Variants in HRNR observed in about 807,000 individuals in gnomAD.
HRNR encodes the protein filaggrin family member 3.
HRNR carries 7 observed loss-of-function variants against 4.8 expected under a neutral mutation model. The observed-to-expected ratio is 1.47, with a 90% CI of 0.83 to 2.75. HRNR has a LOEUF of 2.75. HRNR is among the 30% of genes most tolerant of loss of function. HRNR has a pLI of 0.00. For missense variants in HRNR, 2,879 were observed against 3,010.4 expected, an observed-to-expected ratio of 0.96 and a Z score of 1.02; for synonymous variants, 1,023 against 1,242.7, an observed-to-expected ratio of 0.82 and a Z score of 3.72.
rs141963410 is a variant in HRNR at position 152,219,168 on chromosome 1, C to G, written c.2461G>C (p.Glu821Gln). ...CTATAGCCCTGTCCTGAGCCAGACT[C>G]GTGTTGCCCAAAACCAGAAGCCTGG... The part of the protein sequence containing the change: ...SGQASGFGQH[E>Q]SGSGQGYSQH... Residue 821 changes from glutamate (E) to glutamine (Q), a missense_variant, in exon 3 of 3, where the codon GAG (glutamate) becomes CAG (glutamine). Glu to Gln is a conservative substitution (Grantham distance 29). Transcript: ENST00000368801. The G allele has an allele frequency of 1.2e-5, 20 of 1,613,156 alleles. No homozygotes were observed. The highest frequency in any genetic ancestry group is 1.4e-5 in the Non-Finnish European group (17 of 1,179,816).
At position 152,219,241 on chromosome 1, in the gene HRNR, A is replaced by T. The variant is rs763154410; in HGVS notation, c.2388T>A (p.Ser796=). Residue 796 remains serine (S), a synonymous_variant, in exon 3 of 3, where the codon TCT becomes TCA. Coordinates refer to ENST00000368801, the MANE Select transcript of HRNR (RefSeq NM_001009931.3). Reference sequence around the variant, plus strand: ...CACAGCTGGAAGAACAACTTGTGCCAGACCCGTGTTGGCCGTGGCTGGAGG... The same window carrying T: ...CACAGCTGGAAGAACAACTTGTGCCTGACCCGTGTTGGCCGTGGCTGGAGG... ...GHSSSHGQHG[S]GTSCSSSCGH... is the part of the protein sequence containing the mutation. The T allele has an allele frequency of 6.2e-7, 1 of 1,613,696 alleles. No individual in the cohort carries two copies. Among genetic ancestry groups the T allele is most frequent in the South Asian group, 1.1e-5 (1 of 91,056 alleles).
At position 152,218,360 on chromosome 1, in the gene HRNR, C is replaced by T. The variant is rs748343183; in HGVS notation, c.3269G>A (p.Gly1090Asp). 8 of 1,609,130 alleles carry T rather than the reference C, an allele frequency of 5.0e-6. No individual in the cohort carries two copies. The highest frequency in any genetic ancestry group is 6.8e-6 in the Non-Finnish European group (8 of 1,179,108). Reference sequence around the variant, plus strand: ...CTGACCTGAGCTAGCTCCATGTTGGCCACAGCTCGATGACTGTCCTGATGT... The same window carrying T: ...CTGACCTGAGCTAGCTCCATGTTGGTCACAGCTCGATGACTGTCCTGATGT... ...GSTSGQSSSC[G>D]QHGASSGQSS... Residue 1090 changes from glycine to aspartate, a missense_variant, in exon 3 of 3, where the codon GGC (glycine) becomes GAC (aspartate). Gly to Asp is a moderately conservative substitution (Grantham distance 94, BLOSUM62 -1). Transcript: ENST00000368801.
Position 152,221,106 on chromosome 1 carries a change from G to C in HRNR, c.523C>G (p.Gln175Glu), listed in dbSNP as rs140439183. The change falls in exon 3 of 3, where the codon CAG becomes GAG. Residue 175 changes from glutamine to glutamate, a missense_variant. Transcript: ENST00000368801. ...FSGQHNSYSG[Q>E]SSSYGEQNSD... ...TTTTGCTCACCATAGCTGGAAGACT[G>C]ACCTGAGTAGGAGTTATGTTGGCCA... The C allele has an allele frequency of 1.7e-5, 27 of 1,614,200 alleles. No individual in the cohort carries two copies. Among genetic ancestry groups the C allele is most frequent in the Non-Finnish European group, 2.3e-5 (27 of 1,180,024 alleles).
Position 152,219,974 on chromosome 1 carries a change from G to C in HRNR, c.1655C>G (p.Ser552Cys), listed in dbSNP as rs147394861. 1.2e-6 allele frequency: 2 copies of C among 1,613,010 alleles called. No individual in the cohort carries two copies. Among genetic ancestry groups the C allele is most frequent in the Non-Finnish European group, 1.7e-6 (2 of 1,179,830 alleles). ...SPSRGRHESG[S>C]RQSSSYGPHG... ...TGGGCCATAGCTGGAAGACTGCCTGGAACCAGACTCATGTCGGCCACGGCT... is the reference window on the plus strand; with the variant it reads ...TGGGCCATAGCTGGAAGACTGCCTGCAACCAGACTCATGTCGGCCACGGCT... Residue 552 changes from serine to cysteine, a missense_variant, in exon 3 of 3, where the codon TCC becomes TGC. By Grantham distance (112) the Ser-to-Cys change is moderately radical (BLOSUM62 -1). Around this residue, in one of 8 missense-constraint regions of HRNR, gnomAD observed 2,646 missense variants for 1,377.7 expected, o/e 1.92. Coordinates refer to ENST00000368801, the MANE Select transcript of HRNR (RefSeq NM_001009931.3).
In HRNR at chr1:152,218,996, G is replaced by T. The variant is rs139401356; in HGVS notation, c.2633C>A (p.Ser878Ter). Residue 878 changes from serine to a stop codon, truncating the protein, a stop_gained, in exon 3 of 3, where the codon TCG becomes TAG. Transcript: ENST00000368801. LOFTEE classifies it low-confidence loss of function (END_TRUNC). ...GQHESASHHA[S>*]GRGRHGSGSG... is the part of the protein sequence containing the mutation. ...TCCAGAGCCATGTCGGCCGCGGCCCGAAGCGTGATGGGAGGCAGACTCATG... is the reference window on the plus strand; with the variant it reads ...TCCAGAGCCATGTCGGCCGCGGCCCTAAGCGTGATGGGAGGCAGACTCATG... 3.7e-6 allele frequency: 6 copies of T among 1,613,762 alleles called. No individual in the cohort carries two copies. Among genetic ancestry groups the T allele is most frequent in the Non-Finnish European group, 5.1e-6 (6 of 1,179,966 alleles).
Position 152,219,361 on chromosome 1 carries a change from C to G in HRNR, c.2268G>C (p.Gly756=), listed in dbSNP as rs758697738. The part of the protein sequence containing the change: ...SGLSSSYGQH[G]SGSHQSSGHG... ...GGCCCGAAGATTGATGGGAGCCCGA[C>G]CCATGCTGACCATAGCTGGAAGACA... Residue 756 remains glycine, a synonymous_variant, in exon 3 of 3, where the codon GGG becomes GGC. Transcript: ENST00000368801. 3.1e-6 allele frequency: 5 copies of G among 1,613,492 alleles called. No individual in the cohort carries two copies. Among genetic ancestry groups the G allele is most frequent in the Non-Finnish European group, 4.2e-6 (5 of 1,179,982 alleles).
chr1:152,220,604 G>C lies in HRNR; in HGVS notation c.1025C>G (p.Ser342Ter), dbSNP rs1648940409. The change falls in exon 3 of 3, where the codon TCA (serine) becomes TGA (stop). Residue 342 changes from serine to a stop codon, truncating the protein, a stop_gained. Transcript: ENST00000368801. LOFTEE classifies it low-confidence loss of function (END_TRUNC). Reference protein sequence around the residue: ...SYSRGHYESGSGQTSGFGQHE... With the variant: ...SYSRGHYESG ...TTGCCCAAAGCCAGAAGTCTGGCCT[G>C]AGCCAGACTCATAATGGCCACGGCT... 6.2e-7 allele frequency: 1 copy of C among 1,612,118 alleles called. No homozygotes were observed. Among genetic ancestry groups the C allele is most frequent in the African/African-American group, 1.3e-5 (1 of 74,962 alleles).
rs201807400 is a variant in HRNR, at chr1:152,219,447, T to G, written c.2182A>C (p.Lys728Gln). ...SGSSHSSGYR[K>Q]HGSRSGQSSR... ...GACTGTCCTGACCTAGAGCCGTGTT[T>G]TCTGTAGCCGGAGGAGTGACTTGAG... Residue 728 changes from lysine (K) to glutamine (Q), a missense_variant, in exon 3 of 3, where the codon AAA becomes CAA. Coordinates refer to ENST00000368801, the MANE Select transcript of HRNR (RefSeq NM_001009931.3). 20 of 1,612,648 alleles carry G rather than the reference T, an allele frequency of 1.2e-5. No individual in the cohort carries two copies. Among genetic ancestry groups the G allele is most frequent in the Non-Finnish European group, 1.5e-5 (18 of 1,179,656 alleles).
chr1:152,213,385 G>C lies in HRNR; in HGVS notation c.8244C>G (p.His2748Gln), dbSNP rs192690014. ...AAGACTGACTGGAGCCAGAGCCACG[G>C]TGGCCATAGCTGGAAGACTGGCCTG... ...SSTGQSSSYG[H>Q]RGSGSSQSSG... Residue 2748 changes from histidine to glutamine, a missense_variant, in exon 3 of 3, where the codon CAC becomes CAG. By Grantham distance (24) the His-to-Gln change is conservative (BLOSUM62 0). Transcript: ENST00000368801. 3.1e-5 allele frequency: 18 copies of C among 572,588 alleles called. 7 individuals carry two copies. Among genetic ancestry groups the C allele is most frequent in the Non-Finnish European group, 5.1e-5 (17 of 336,198 alleles). 35.5% of individuals were successfully genotyped at this position (572,588 alleles called of 1,614,324 possible).
rs776844342 is a variant in HRNR, at chr1:152,219,913, G to A, written c.1716C>T (p.Gly572=). Residue 572 remains glycine, a synonymous_variant, in exon 3 of 3, where the codon GGC becomes GGT. Coordinates refer to ENST00000368801, the MANE Select transcript of HRNR (RefSeq NM_001009931.3). ...AGTGACCGGAGCCAGACTCATATGG[G>A]CCACGGCTTGAAGACCTCCCTGAGC... ...GYGSGRSSSR[G]PYESGSGHSS... is the part of the protein sequence containing the mutation. The A allele has an allele frequency of 1.9e-6, 3 of 1,613,254 alleles. No individual in the cohort carries two copies. Among genetic ancestry groups the A allele is most frequent in the South Asian group, 1.1e-5 (1 of 91,030 alleles).
At chr1:152,222,094 G>T (rs899377861) in intron 2 of HRNR, among the ~76,000 whole-genome samples, 4 of 152,154 alleles carry the variant, frequency 2.6e-5, no homozygotes, top group Non-Finnish European at 5.9e-5. Context: ...CCTTTTGAAG[G>T]ATGGATTAGG....
intron 2 of HRNR, among the ~76,000 whole-genome samples, chr1:152,222,724 C>G (rs531053425): frequency 7.2e-5 from 11 of 152,120 alleles, no homozygotes; most frequent in Non-Finnish European, 1.3e-4. Context: ...TATAAGGTCC[C>G]AAATATCTAA....
intron 2 of HRNR, 124 bp downstream of exon 2, chr1:152,222,992 A>G (rs1454271195): frequency 1.0e-6 from 1 of 997,184 alleles, no homozygotes; most frequent in East Asian, 2.4e-5. Context: ...AACTTTTACC[A>G]AACCCTGTTC....
rs534286801 is a variant in HRNR at position 152,212,557 on chromosome 1, GC to G, written c.*518del. Reference sequence around the variant, plus strand: ...GATAAGTAAAGACACTACCGCTGCTGCATCTTTGCTTTCAGAGCCTTCACCT... The same window carrying G: ...GATAAGTAAAGACACTACCGCTGCTGATCTTTGCTTTCAGAGCCTTCACCT... On this transcript the variant is annotated 3_prime_UTR_variant, in exon 3 of 3. Transcript: ENST00000368801. The G allele has an allele frequency of 2.6e-3, 425 of 163,280 alleles. 1 individual carries two copies. Among genetic ancestry groups the G allele is most frequent in the African/African-American group, 9.9e-3 (410 of 41,578 alleles). 10.1% of individuals were successfully genotyped at this position (163,280 alleles called of 1,614,324 possible).
In HRNR at chr1:152,213,102, C is replaced by G. The variant is rs779129401; in HGVS notation, c.8527G>C (p.Glu2843Gln). 1 of 1,613,522 alleles carries G rather than the reference C, an allele frequency of 6.2e-7. No individual in the cohort carries two copies. The highest frequency in any genetic ancestry group is 2.2e-5 in the East Asian group (1 of 44,900). Residue 2843 changes from glutamate (E) to glutamine (Q), a missense_variant, in exon 3 of 3, where the codon GAG becomes CAG. Physicochemically the swap from Glu to Gln is conservative, Grantham distance 29. Transcript: ENST00000368801. ...SSTSPYEYVQ[E>Q]QRCYFYQ Reference sequence around the variant, plus strand: ...CACTGATAAAAGTAGCACCTCTGCTCTTGGACATATTCATAGGGTGAAGTG... The same window carrying G: ...CACTGATAAAAGTAGCACCTCTGCTGTTGGACATATTCATAGGGTGAAGTG...
Position 152,218,510 on chromosome 1 carries a change from T to C in HRNR, c.3119A>G (p.Tyr1040Cys), listed in dbSNP as rs1439771855. The C allele has an allele frequency of 6.8e-6, 11 of 1,613,548 alleles. 1 individual carries two copies. The South Asian group carries it at 9.9e-5, about 15-fold the overall frequency. ...AGAAGAGTGACCGGAGCCAGACTCA[T>C]ATGGGCCACGGCTTGAAGACCACCC... ...GSGWSSSRGP[Y>C]ESGSGHSSGL... is the part of the protein sequence containing the mutation. The change falls in exon 3 of 3, where the codon TAT becomes TGT. Residue 1040 changes from tyrosine (Y) to cysteine (C), a missense_variant. Coordinates refer to ENST00000368801, the MANE Select transcript of HRNR (RefSeq NM_001009931.3).
In HRNR at chr1:152,219,021, G is replaced by T. The variant is rs749683897; in HGVS notation, c.2608C>A (p.His870Asn). 1.2e-5 allele frequency: 19 copies of T among 1,613,918 alleles called. No homozygotes were observed. In the East Asian group the frequency reaches 3.8e-4, roughly 32 times the overall value. Reference protein sequence around the residue: ...SSGQSSSYGQHESASHHASGR... With the variant: ...SSGQSSSYGQNESASHHASGR... ...GAAGCGTGATGGGAGGCAGACTCAT[G>T]CTGACCATAGCTGGAAGATTGACCT... The change falls in exon 3 of 3, where the codon CAT becomes AAT. Residue 870 changes from histidine to asparagine, a missense_variant. Physicochemically the swap from His to Asn is moderately conservative, Grantham distance 68 (BLOSUM62 1). Around this residue, in one of 8 missense-constraint regions of HRNR, gnomAD observed 2,646 missense variants for 1,377.7 expected, o/e 1.92. Coordinates refer to ENST00000368801, the MANE Select transcript of HRNR (RefSeq NM_001009931.3).
rs200852837 is a variant in HRNR, at chr1:152,218,814, C to T, written c.2815G>A (p.Gly939Arg). Residue 939 changes from glycine (G) to arginine (R), a missense_variant, in exon 3 of 3, where the codon GGG becomes AGG. Gly to Arg is a moderately radical substitution (Grantham distance 125, BLOSUM62 -2). Around this residue, in one of 8 missense-constraint regions of HRNR, gnomAD observed 2,646 missense variants for 1,377.7 expected, o/e 1.92. Coordinates refer to ENST00000368801, the MANE Select transcript of HRNR (RefSeq NM_001009931.3). ...TGCTGAGTGTAACCAGAGGACTGCC[C>T]TGAGCTAGACTTGTGACCAAAGCCA... ...SSGFGHKSSS[G>R]QSSGYTQHGS... is the part of the protein sequence containing the mutation. 7.6e-5 allele frequency: 123 copies of T among 1,613,104 alleles called. 3 individuals carry two copies. Among genetic ancestry groups the T allele is most frequent in the Non-Finnish European group, 1.2e-5 (14 of 1,179,874 alleles).
intron 2 of HRNR, among the ~76,000 whole-genome samples, chr1:152,222,430 G>A (rs1441380387): frequency 6.6e-6 from 1 of 152,116 alleles, no homozygotes; most frequent in Non-Finnish European, 1.5e-5. Context: ...GTAGTAGGTG[G>A]CCTGAACCAG....
Sources: gnomAD v4.1 joint callset for allele counts (sites outside exome capture counted in the v4.1 genomes callset) on GRCh38, gnomAD v4.1.1 for gene constraint, gnomAD v4.1.1 regional missense constraint, MANE v1.5 for transcripts, NCBI Gene and HGNC (gene_info 2026-07-23, HGNC 2026-07-21) for gene names.